Variants in CYB5RL observed in about 807,000 individuals in gnomAD.
The protein encoded by CYB5RL is cytochrome b5 reductase like, also known as NADH-cytochrome b5 reductase-like.
A neutral mutation model predicts 37.5 loss-of-function variants in CYB5RL; 38 were observed. The observed-to-expected ratio is 1.01, with a 90% CI of 0.78 to 1.33. The LOEUF (loss-of-function observed/expected upper bound fraction) is 1.33. Ranked by LOEUF, CYB5RL falls within the 40% of genes most tolerant of loss-of-function variation. The pLI, the probability that CYB5RL is intolerant of heterozygous loss-of-function variation, is 0.00. For synonymous variants in CYB5RL, 141 were observed against 151.9 expected, an observed-to-expected ratio of 0.93 and a Z score of 0.53; for missense variants, 388 against 394.4, an observed-to-expected ratio of 0.98 and a Z score of 0.14.
Position 54,187,662 on chromosome 1 carries a change from A to C in CYB5RL, c.425T>G (p.Val142Gly). 6.2e-7 allele frequency: 1 copy of C among 1,613,836 alleles called. No homozygotes were observed. Among genetic ancestry groups the C allele is most frequent in the Non-Finnish European group, 8.5e-7 (1 of 1,179,854 alleles). ...SPANAEGYFE[V>G]LIKCYQMGLM... ...CAAGGGTCAACTCACCTTAATTAAC[A>C]CTTCAAAGTATCCTTCTGCGTTGGC... The change falls in exon 5 of 8, where the codon GTG (valine) becomes GGG (glycine). Residue 142 changes from valine to glycine, a missense_variant. Physicochemically the swap from Val to Gly is moderately radical, Grantham distance 109 (BLOSUM62 -3). Coordinates refer to ENST00000534324, the MANE Select transcript of CYB5RL (RefSeq NM_001031672.4).
At chr1:54,182,761 C>T (rs1259916609) in intron 6 of CYB5RL, among the ~76,000 whole-genome samples, 2 of 152,146 alleles carry the variant, frequency 1.3e-5, no homozygotes, top group African/African-American at 4.8e-5. Flanking sequence ...CCATGTTGGC[C>T]AGGCTGGTCT....
intron 3 of CYB5RL, among the ~76,000 whole-genome samples, chr1:54,194,710 C>A (rs1161357831): frequency 6.6e-6 from 1 of 152,152 alleles, no homozygotes; most frequent in Non-Finnish European, 1.5e-5. Context: ...ATGGGAGACA[C>A]CTCTACTCCA....
intron 5 of CYB5RL, chr1:54,185,685 C>T (rs955080): frequency 0.043 from 6,623 of 152,332 alleles, 381 homozygotes; most frequent in East Asian, 0.26. Flanking sequence ...AGGCTGTCTC[C>T]ATGCACGCTT....
chr1:54,199,619 A>G (rs537748425), intron 1 of CYB5RL, among the ~76,000 whole-genome samples: 1 of 152,290 alleles, frequency 6.6e-6, no homozygotes, highest in South Asian at 2.1e-4. Context: ...GCGCATCTTC[A>G]TTGCTCTGTC....
In CYB5RL at chr1:54,196,474, G is replaced by T. The variant is rs538102370; in HGVS notation, c.-205C>A. Reference sequence around the variant, plus strand: ...CCCAAAGTGCTGAGATTACAGGCATGAGCCACCATGTCTGGCCCTAAAATG... The same window carrying T: ...CCCAAAGTGCTGAGATTACAGGCATTAGCCACCATGTCTGGCCCTAAAATG... On this transcript the variant is annotated 5_prime_UTR_variant, in exon 2 of 8. Coordinates refer to ENST00000534324, the MANE Select transcript of CYB5RL (RefSeq NM_001031672.4). 2 of 152,164 alleles carry T rather than the reference G, an allele frequency of 1.3e-5. No homozygotes were observed. The highest frequency in any genetic ancestry group is 2.9e-5 in the Non-Finnish European group (2 of 68,034). The allele number at this position is 152,164 out of a possible 1,614,324, so 9.4% of individuals were successfully genotyped here. A position where few individuals can be genotyped will look rare whatever the true frequency, so the allele number is the denominator to read the frequency against.
intron 3 of CYB5RL, among the ~76,000 whole-genome samples, chr1:54,191,877 C>T (rs1345174067): frequency 1.3e-5 from 2 of 152,138 alleles, no homozygotes; most frequent in South Asian, 2.1e-4. Flanking sequence ...GACTGGGAGT[C>T]GGGAGAACTG....
intron 3 of CYB5RL, 41 bp downstream of exon 3, chr1:54,195,378 T>C: frequency 6.6e-7 from 1 of 1,516,228 alleles, no homozygotes; most frequent in Non-Finnish European, 8.9e-7. Flanking sequence ...GGCAAGTAGA[T>C]TGTTGCCCTG....
At chr1:54,191,397 T>C (rs61775226) in intron 3 of CYB5RL, among the ~76,000 whole-genome samples, 10,689 of 152,252 alleles carry the variant, frequency 0.07, 474 homozygotes, top group Non-Finnish European at 0.088. Flanking sequence ...GACCTCAGAA[T>C]GTCTAACCCA....
At chr1:54,191,427 G>A (rs1265859823) in intron 3 of CYB5RL, among the ~76,000 whole-genome samples, 1 of 152,188 alleles carries the variant, frequency 6.6e-6, no homozygotes, top group Non-Finnish European at 1.5e-5. Context: ...TATTACATAT[G>A]TGGAAACTGA....
Position 54,190,897 on chromosome 1 carries a change from C to T in CYB5RL, c.199-1G>A, listed in dbSNP as rs1435024516. On this transcript the variant is annotated splice_acceptor_variant, in intron 3 of 7. Coordinates refer to ENST00000534324, the MANE Select transcript of CYB5RL (RefSeq NM_001031672.4). LOFTEE classifies it high-confidence loss of function. ...CTGGGTTCAGCTTGGAGGGGCAGCT[C>T]TGCAACAGGAAGAGATCCAACAGCT... 6.2e-7 allele frequency: 1 copy of T among 1,610,940 alleles called. No homozygotes were observed. Among genetic ancestry groups the T allele is most frequent in the Non-Finnish European group, 8.5e-7 (1 of 1,179,096 alleles).
chr1:54,176,020 A>G (rs896719933), intron 7 of CYB5RL, among the ~76,000 whole-genome samples: 1 of 152,246 alleles, frequency 6.6e-6, no homozygotes, highest in Admixed American at 6.5e-5. Context: ...TGCAGATCCT[A>G]TGAAGGCAAG....
intron 1 of CYB5RL, among the ~76,000 whole-genome samples, chr1:54,198,027 C>CAAAAAAAAAA (rs575486117): frequency 7.6e-4 from 60 of 78,522 alleles, no homozygotes; most frequent in East Asian, 2.7e-3. Context: ...GACTCTGTCT[C>CAAAAAAAAAA]AAAAAAAAAA....
At position 54,175,892 on chromosome 1, in the gene CYB5RL, C is replaced by T. The variant is rs60003094; in HGVS notation, c.745-1070G>A. Among the ~76,000 whole-genome samples the T allele has an allele frequency of 4.5e-3, 678 of 152,190 alleles. 12 individuals are homozygous for T. Among genetic ancestry groups the T allele is most frequent in the African/African-American group, 0.016 (650 of 41,526 alleles). ...TCAGATTTTGCTATCTGCAGGGGGT[C>T]CTGGAGTCAATCCCCCATGAATACC... On this transcript the variant is annotated intron_variant, in intron 7 of 7. Coordinates refer to ENST00000534324, the MANE Select transcript of CYB5RL (RefSeq NM_001031672.4).
intron 7 of CYB5RL, among the ~76,000 whole-genome samples, chr1:54,177,055 C>T (rs371706773): frequency 1.0e-3 from 158 of 152,208 alleles, no homozygotes; most frequent in Non-Finnish European, 1.7e-3. Flanking sequence ...CCACAGCTCA[C>T]GGGGAGGGCG....
At chr1:54,191,094 TG>T (rs1280117378) in intron 3 of CYB5RL, among the ~76,000 whole-genome samples, 198 bp from the exon 4 acceptor site, 5 of 152,216 alleles carry the variant, frequency 3.3e-5, no homozygotes, top group Non-Finnish European at 7.3e-5. Flanking sequence ...GAGCCTATCC[TG>T]CTCTTAAGCC....
chr1:54,174,856 G>C, intron 7 of CYB5RL, 34 bp from the exon 8 acceptor site: 2 of 1,596,678 alleles, frequency 1.3e-6, no homozygotes, highest in East Asian at 2.2e-5. Context: ...GTGACTACAA[G>C]GGAGCGGGGG....
At chr1:54,178,204 A>G (rs1478419631) in intron 7 of CYB5RL, among the ~76,000 whole-genome samples, 1 of 152,140 alleles carries the variant, frequency 6.6e-6, no homozygotes, top group African/African-American at 2.4e-5. Context: ...CGGGAAATCC[A>G]ATTTCCTCAC....
At chr1:54,184,008 T>G (rs1660230780) in intron 6 of CYB5RL, 153 bp downstream of exon 6, 3 of 484,746 alleles carry the variant, frequency 6.2e-6, no homozygotes, top group Non-Finnish European at 1.1e-5. Context: ...AATAAATAAG[T>G]GTCTATTCCA....
rs199724788 is a variant in CYB5RL, at chr1:54,183,975, C to CTAAATAAATAAA, written c.540+174_540+185dup. Reference sequence around the variant, plus strand: ...GGGCAACAAGAGCGAAACTCCGTCTCTAAATAAATAAATAAATAAATAAAT... The same window carrying CTAAATAAATAAA: ...GGGCAACAAGAGCGAAACTCCGTCTCTAAATAAATAAATAAATAAATAAATAAATAAATAAAT... On this transcript the variant is annotated intron_variant, in intron 6 of 7. Transcript: ENST00000534324. The CTAAATAAATAAA allele has an allele frequency of 1.4e-3, 505 of 355,664 alleles. 10 individuals are homozygous for CTAAATAAATAAA. In the East Asian group the frequency reaches 0.015, roughly 10 times the overall value. 22.0% of individuals were successfully genotyped at this position (355,664 alleles called of 1,614,324 possible).
Sources: gnomAD v4.1 joint callset for allele counts (sites outside exome capture counted in the v4.1 genomes callset) on GRCh38, gnomAD v4.1.1 for gene constraint, MANE v1.5 for transcripts, NCBI Gene and HGNC (gene_info 2026-07-23, HGNC 2026-07-21) for gene names.